Variants in SUPT3H observed in about 807,000 individuals in gnomAD.
The protein encoded by SUPT3H is transcription initiation protein SPT3 homolog.
In SUPT3H, 44 loss-of-function variants were observed where a neutral mutation model predicts 44.3. The observed-to-expected ratio is 0.99, with a 90% CI of 0.78 to 1.28. The LOEUF (loss-of-function observed/expected upper bound fraction) is 1.28, where lower values mean the gene tolerates loss of function less well. SUPT3H is among the 50% of genes most tolerant of loss of function. The pLI is 0.00. For missense variants in SUPT3H, 380 were observed against 387.1 expected (o/e 0.98, Z 0.15); for synonymous variants, 124 against 125.6 (o/e 0.99, Z 0.09).
At chr6:45,179,987 T>G (rs1388691378) in intron 2 of SUPT3H, among the ~76,000 whole-genome samples, 3 of 152,072 alleles carry the variant, frequency 2.0e-5, no homozygotes, top group Non-Finnish European at 4.4e-5. Flanking sequence ...CAGCCCAGAA[T>G]CTCCTTAAGC....
rs1275206092 is a variant in SUPT3H, at chr6:44,905,612, C to T, written c.912+27041G>A. Among the ~76,000 whole-genome samples, 6 of 152,086 alleles carry T rather than the reference C, an allele frequency of 3.9e-5. No individual in the cohort carries two copies. In the East Asian group the frequency reaches 5.8e-4, roughly 15 times the overall value. ...TCAACCATTGTGGAAGTCAGTGTGG[C>T]GATTCCTCAGGGATCTTGAACTAGA... On this transcript the variant is annotated intron_variant, in intron 10 of 10. Coordinates refer to ENST00000371459, the MANE Select transcript of SUPT3H (RefSeq NM_003599.4).
chr6:44,894,909 G>C, intron 10 of SUPT3H, among the ~76,000 whole-genome samples: 1 of 151,624 alleles, frequency 6.6e-6, no homozygotes, highest in Non-Finnish European at 1.5e-5. Context: ...GCATTATTTT[G>C]TTTAAAAGAG....
Position 45,111,668 on chromosome 6 carries a change from T to C in SUPT3H, c.102-5662A>G, listed in dbSNP as rs370912907. On this transcript the variant is annotated intron_variant, in intron 2 of 10. Coordinates refer to ENST00000371459, the MANE Select transcript of SUPT3H (RefSeq NM_003599.4). ...TCTAAAGTCTCAAAACAGAAACAAA[T>C]AGCATATGGGAAATTTATTCCTTCA... Among the ~76,000 whole-genome samples the C allele has an allele frequency of 1.8e-4, 27 of 152,214 alleles. 1 individual carries two copies. Among genetic ancestry groups the C allele is most frequent in the Admixed American group, 8.5e-4 (13 of 15,284 alleles).
Position 45,077,343 on chromosome 6 carries a change from T to C in SUPT3H, c.186+28579A>G, listed in dbSNP as rs77584815. Among the ~76,000 whole-genome samples the C allele has an allele frequency of 3.9e-3, 595 of 152,216 alleles. 7 individuals are homozygous for C. The highest frequency in any genetic ancestry group is 0.014 in the African/African-American group (567 of 41,544). ...ATGATAGGTGTTTAAGAAATGTTCA[T>C]AGGCTGGGCATGGTGGCTCATGCCT... is the stretch of plus-strand genomic sequence containing the variant. On this transcript the variant is annotated intron_variant, in intron 3 of 10. Transcript: ENST00000371459.
At position 45,009,546 on chromosome 6, in the gene SUPT3H, C is replaced by T. The variant is rs1310474036; in HGVS notation, c.364+5255G>A. Among the ~76,000 whole-genome samples, 4 of 152,192 alleles carry T rather than the reference C, an allele frequency of 2.6e-5. No homozygotes were observed. The East Asian group carries it at 7.7e-4, about 29-fold the overall frequency. Reference sequence around the variant, plus strand: ...TCTTGGACGTGGATATCCAGTTGCTCCAGCAATATTTGTCAAAATGGCTAT... The same window carrying T: ...TCTTGGACGTGGATATCCAGTTGCTTCAGCAATATTTGTCAAAATGGCTAT... On this transcript the variant is annotated intron_variant, in intron 5 of 10. Transcript: ENST00000371459.
At chr6:44,839,898 C>T (rs1770653189) in intron 10 of SUPT3H, among the ~76,000 whole-genome samples, 1 of 152,138 alleles carries the variant, frequency 6.6e-6, no homozygotes, top group African/African-American at 2.4e-5. Context: ...GATGGGGTTT[C>T]ACCGTGTTAG....
At chr6:45,176,134 G>T (rs573603671) in intron 2 of SUPT3H, among the ~76,000 whole-genome samples, 2 of 151,954 alleles carry the variant, frequency 1.3e-5, no homozygotes, top group Non-Finnish European at 2.9e-5. Flanking sequence ...CGCAGAAGAC[G>T]GGTGATTTCT....
chr6:45,241,469 C>T (rs897220195), intron 2 of SUPT3H, among the ~76,000 whole-genome samples: 2 of 152,162 alleles, frequency 1.3e-5, no homozygotes, highest in African/African-American at 2.4e-5. Context: ...CCCTTTGTTT[C>T]GGCCCATCCC....
intron 3 of SUPT3H, among the ~76,000 whole-genome samples, chr6:45,070,747 A>AAG (rs1376195850): frequency 1.3e-5 from 2 of 151,008 alleles, no homozygotes; most frequent in Non-Finnish European, 3.0e-5. Flanking sequence ...AACAAAAAAA[A>AAG]AAAAAAAAAA....
chr6:44,866,699 T>C (rs1474257075), intron 10 of SUPT3H, among the ~76,000 whole-genome samples: 1 of 152,186 alleles, frequency 6.6e-6, no homozygotes, highest in Non-Finnish European at 1.5e-5. Flanking sequence ...CCTGAAATCA[T>C]TGCCTCAGCT....
At chr6:45,248,913 CAAAA>C (rs61451412) in intron 2 of SUPT3H, among the ~76,000 whole-genome samples, 1 of 115,296 alleles carries the variant, frequency 8.7e-6, no homozygotes, top group Non-Finnish European at 1.8e-5. Flanking sequence ...GACTCCATCT[CAAAA>C]AAAAAAAAAA....
At chr6:45,289,560 C>T (rs1322428283) in intron 2 of SUPT3H, among the ~76,000 whole-genome samples, 2 of 152,082 alleles carry the variant, frequency 1.3e-5, no homozygotes, top group Non-Finnish European at 2.9e-5. Context: ...AGCCACTCTC[C>T]TTCCATTCTT....
intron 3 of SUPT3H, among the ~76,000 whole-genome samples, chr6:45,104,299 A>G (rs573219694): frequency 6.6e-6 from 1 of 152,254 alleles, no homozygotes; most frequent in Non-Finnish European, 1.5e-5. Context: ...TAACAATACC[A>G]CTAAAGAGTA....
intron 2 of SUPT3H, among the ~76,000 whole-genome samples, chr6:45,167,655 T>C (rs376750803): frequency 1.4e-5 from 2 of 138,414 alleles, no homozygotes; most frequent in East Asian, 2.0e-4. Flanking sequence ...AAGACACTTG[T>C]GATTTTGGCT....
At chr6:45,028,990 T>C (rs1042443382) in intron 3 of SUPT3H, among the ~76,000 whole-genome samples, 1 of 150,930 alleles carries the variant, frequency 6.6e-6, no homozygotes, top group East Asian at 1.9e-4. Context: ...AGCCTAAGGA[T>C]TGTGAGCTAA....
intron 10 of SUPT3H, among the ~76,000 whole-genome samples, chr6:44,849,168 A>G (rs1230459379): frequency 6.6e-6 from 1 of 151,208 alleles, no homozygotes; most frequent in Non-Finnish European, 1.5e-5. Context: ...CTTGCCATGT[A>G]TATGACTTTT....
intron 2 of SUPT3H, among the ~76,000 whole-genome samples, chr6:45,202,988 A>T (rs1377510063): frequency 6.6e-6 from 1 of 152,192 alleles, no homozygotes; most frequent in Non-Finnish European, 1.5e-5. Flanking sequence ...GATATAGATT[A>T]TACACAAATA....
intron 9 of SUPT3H, among the ~76,000 whole-genome samples, chr6:44,937,900 C>CTTTTTT (rs746279156): frequency 1.7e-5 from 1 of 59,112 alleles, no homozygotes; most frequent in African/African-American, 7.5e-5. Flanking sequence ...TGCTCACTAT[C>CTTTTTT]TTTTTTTTTT....
At chr6:44,991,155 G>T (rs1316655884) in intron 6 of SUPT3H, among the ~76,000 whole-genome samples, 1 of 151,958 alleles carries the variant, frequency 6.6e-6, no homozygotes, top group African/African-American at 2.4e-5. Flanking sequence ...TTTAAAAAAT[G>T]AGATAAAATG....
Sources: allele counts gnomAD v4.1 joint callset (sites outside exome capture counted in the v4.1 genomes callset), GRCh38; gene constraint gnomAD v4.1.1; transcripts MANE v1.5; gene names NCBI Gene and HGNC (gene_info 2026-07-23, HGNC 2026-07-21).